Variants in SCAF4 observed in about 807,000 individuals in gnomAD.
SCAF4 encodes SR-related CTD associated factor 4.
SCAF4 carries 25 observed loss-of-function variants against 129.8 expected under a neutral mutation model. The ratio of observed to expected loss-of-function variants is 0.19; its 90% CI spans 0.14 to 0.27. The LOEUF is 0.27. Ranked by LOEUF, SCAF4 falls within the 10% of genes least tolerant of loss-of-function variation. SCAF4 has a pLI of 1.00. For synonymous variants in SCAF4, 551 were observed against 497.7 expected (o/e 1.11, Z -1.43); for missense variants, 1,246 against 1,457.1 (o/e 0.86, Z 2.36).
In SCAF4 at chr21:31,671,515, C is replaced by T. The variant is rs772202594; in HGVS notation, c.3328G>A (p.Glu1110Lys). The change falls in exon 20 of 20, where the codon GAG becomes AAG. Residue 1110 changes from glutamate to lysine, a missense_variant. Glu to Lys is a moderately conservative substitution (Grantham distance 56). Transcript: ENST00000286835. ...ACTGCAGCCTCAGACACCCCCTTCT[C>T]AAGTTCTGAAGCAGTGTCTACATTT... ...VGNVDTASEL[E>K]KGVSEAAVLK... The T allele has an allele frequency of 1.2e-6, 2 of 1,614,200 alleles. No homozygotes were observed. Among genetic ancestry groups the T allele is most frequent in the Non-Finnish European group, 1.7e-6 (2 of 1,180,010 alleles).
intron 1 of SCAF4, among the ~76,000 whole-genome samples, chr21:31,719,332 A>C (rs1030884150): frequency 6.6e-6 from 1 of 152,096 alleles, no homozygotes; most frequent in Non-Finnish European, 1.5e-5. Context: ...ACACAACAGA[A>C]TATAATACAC....
intron 19 of SCAF4, among the ~76,000 whole-genome samples, chr21:31,679,274 A>AAAAGATGT (rs1254707616): frequency 1.3e-5 from 2 of 152,184 alleles, no homozygotes; most frequent in African/African-American, 4.8e-5. Context: ...CACATGAAGA[A>AAAAGATGT]AAAGATGTAT....
intron 1 of SCAF4, among the ~76,000 whole-genome samples, chr21:31,731,194 C>T (rs1312076429): frequency 6.6e-6 from 1 of 151,986 alleles, no homozygotes; most frequent in African/African-American, 2.4e-5. Context: ...AACAGGAGAG[C>T]TGAAGCCACC....
intron 1 of SCAF4, among the ~76,000 whole-genome samples, chr21:31,724,308 T>C (rs549533453): frequency 6.6e-6 from 1 of 152,294 alleles, no homozygotes; most frequent in East Asian, 1.9e-4. Flanking sequence ...TAACGCAAAT[T>C]TAACTATTAC....
At position 31,706,375 on chromosome 21, in the gene SCAF4, A is replaced by C; in HGVS notation, c.31-18T>G. On this transcript the variant is annotated intron_variant, in intron 1 of 19. Coordinates refer to ENST00000286835, the MANE Select transcript of SCAF4 (RefSeq NM_020706.2). ...GAAAAGAGCTTAAAAGACAAAAAAC[A>C]AACAAAAAGTAAAGTTTAACTATTT... is the stretch of plus-strand genomic sequence containing the variant. 1 of 1,536,338 alleles carries C rather than the reference A, an allele frequency of 6.5e-7. No homozygotes were observed. Among genetic ancestry groups the C allele is most frequent in the Non-Finnish European group, 8.9e-7 (1 of 1,119,700 alleles).
chr21:31,710,811 A>C (rs961660715), intron 1 of SCAF4, among the ~76,000 whole-genome samples: 1 of 152,256 alleles, frequency 6.6e-6, no homozygotes, highest in Non-Finnish European at 1.5e-5. Context: ...CAACTGGTTA[A>C]GGAATGAGTG....
intron 7 of SCAF4, among the ~76,000 whole-genome samples, chr21:31,699,262 A>C (rs1444917261): frequency 6.6e-6 from 1 of 152,226 alleles, no homozygotes; most frequent in Non-Finnish European, 1.5e-5. Context: ...ATTCTAAAAC[A>C]GATTCCAGAG....
intron 19 of SCAF4, among the ~76,000 whole-genome samples, chr21:31,679,766 G>T (rs1364156559): frequency 2.0e-5 from 3 of 152,142 alleles, no homozygotes; most frequent in South Asian, 4.1e-4. Flanking sequence ...TGAAATTGGA[G>T]AATGATTACC....
At chr21:31,684,312 A>G (rs570263576) in intron 19 of SCAF4, 1 of 152,966 alleles carries the variant, frequency 6.5e-6, no homozygotes, top group African/African-American at 2.4e-5. Context: ...CAAATACAAC[A>G]ATTTGTTAAT....
chr21:31,701,761 G>T lies in SCAF4; in HGVS notation c.600+15C>A. 6.3e-7 allele frequency: 1 copy of T among 1,594,924 alleles called. No homozygotes were observed. The highest frequency in any genetic ancestry group is 1.2e-5 in the South Asian group (1 of 86,846). On this transcript the variant is annotated intron_variant, in intron 6 of 19. Transcript: ENST00000286835. ...TAGTCCTGCAAACAATTTCACTTTT[G>T]AGTAGACAGTTTACCTGTTGGCCTT...
At chr21:31,684,829 G>A in intron 19 of SCAF4, 2 of 541,180 alleles carry the variant, frequency 3.7e-6, no homozygotes, top group Middle Eastern at 4.9e-4. Flanking sequence ...TTTTGTCTTT[G>A]AGATTCTCTC....
intron 19 of SCAF4, among the ~76,000 whole-genome samples, chr21:31,683,574 A>G (rs2123492369): frequency 6.6e-6 from 1 of 152,292 alleles, no homozygotes; most frequent in Non-Finnish European, 1.5e-5. Context: ...CAAATGCAGC[A>G]ATTTTACAAA....
At chr21:31,699,409 C>T (rs2123569336) in intron 7 of SCAF4, among the ~76,000 whole-genome samples, 1 of 151,538 alleles carries the variant, frequency 6.6e-6, no homozygotes, top group East Asian at 1.9e-4. Flanking sequence ...TTCGTATGTG[C>T]ATGCAAACAA....
At position 31,692,400 on chromosome 21, in the gene SCAF4, C is replaced by T. The variant is rs1341800245; in HGVS notation, c.1563G>A (p.Gln521=). 1.1e-5 allele frequency: 18 copies of T among 1,613,902 alleles called. No homozygotes were observed. Among genetic ancestry groups the T allele is most frequent in the Non-Finnish European group, 1.5e-5 (18 of 1,179,954 alleles). The part of the protein sequence containing the change: ...WVGQLDKRTT[Q]QDVASLLEEF... ...CTTCCAAGAGACTGGCAACATCCTGCTGAGTAGTTCTTTTGTCCAGCTGCC... is the reference window on the plus strand; with the variant it reads ...CTTCCAAGAGACTGGCAACATCCTGTTGAGTAGTTCTTTTGTCCAGCTGCC... The change falls in exon 13 of 20, where the codon CAG becomes CAA. Residue 521 remains glutamine, a synonymous_variant. Transcript: ENST00000286835.
chr21:31,703,134 A>G (rs1225799282), intron 4 of SCAF4, among the ~76,000 whole-genome samples: 2 of 152,076 alleles, frequency 1.3e-5, no homozygotes, highest in Non-Finnish European at 2.9e-5. Flanking sequence ...CTTAAACTTT[A>G]GTATCTCTAT....
At chr21:31,705,561 C>T in intron 2 of SCAF4, 94 bp from the exon 3 acceptor site, 3 of 479,132 alleles carry the variant, frequency 6.3e-6, no homozygotes, top group Non-Finnish European at 1.1e-5. Context: ...TCTATACAAT[C>T]TAAATATTAT....
chr21:31,671,120 AAAAAAT>A lies in SCAF4; in HGVS notation c.*273_*278del. 3 of 294,560 alleles carry A rather than the reference AAAAAAT, an allele frequency of 1.0e-5. No homozygotes were observed. The highest frequency in any genetic ancestry group is 2.2e-5 in the African/African-American group (1 of 46,010). 18.2% of individuals were successfully genotyped at this position (294,560 alleles called of 1,614,324 possible). A position where few individuals can be genotyped will look rare whatever the true frequency, so the allele number is the denominator to read the frequency against. On this transcript the variant is annotated 3_prime_UTR_variant, in exon 20 of 20. Coordinates refer to ENST00000286835, the MANE Select transcript of SCAF4 (RefSeq NM_020706.2). ...CCTTGTCTTAAATTAAAAAAAAAAA[AAAAAAT>A]AGAGAGCACTTCTAATTACGATTTG...
chr21:31,717,042 A>T (rs559588585), intron 1 of SCAF4, among the ~76,000 whole-genome samples: 1 of 152,330 alleles, frequency 6.6e-6, no homozygotes, highest in South Asian at 2.1e-4. Flanking sequence ...ATCAATAATC[A>T]AAGTACAAAT....
chr21:31,731,596 C>A, intron 1 of SCAF4, 67 bp downstream of exon 1: 1 of 1,546,868 alleles, frequency 6.5e-7, no homozygotes, highest in Admixed American at 1.7e-5. Flanking sequence ...AAACCTCCGG[C>A]GGCGGGAGAA....
Sources: allele counts gnomAD v4.1 joint callset (sites outside exome capture counted in the v4.1 genomes callset), GRCh38; gene constraint gnomAD v4.1.1; transcripts MANE v1.5; gene names NCBI Gene and HGNC (gene_info 2026-07-23, HGNC 2026-07-21).